Variants in EMC10 observed in about 807,000 individuals in gnomAD.
The protein encoded by EMC10 is ER membrane protein complex subunit 10.
Under a neutral mutation model 32.2 loss-of-function variants are expected in EMC10, and 40 were observed. The observed-to-expected ratio is 1.24, with a 90% confidence interval of 0.96 to 1.61. The LOEUF is 1.61. EMC10 is among the 40% of genes most tolerant of loss of function. The pLI, the probability that EMC10 is intolerant of heterozygous loss-of-function variation, is 0.00. For synonymous variants in EMC10, 178 were observed against 158.4 expected, an observed-to-expected ratio of 1.12 and a Z score of -0.93; for missense variants, 402 against 357.7, an observed-to-expected ratio of 1.12 and a Z score of -1.00.
chr19:50,480,628 G>T lies in EMC10; in HGVS notation c.450G>T (p.Val150=). ...SHLSDQLTLH[V]DVAGNVVGVS... The stretch of plus-strand genomic sequence containing the variant: ...TGTCGGACCAGCTGACCCTGCACGT[G>T]GATGTGGCCGGCAACGTGGTGGGCG... Residue 150 remains valine (V), a synonymous_variant, in exon 5 of 7, where the codon GTG becomes GTT. Transcript: ENST00000334976. The surrounding 1 kb of genome is among the most constrained non-coding windows in gnomAD (Gnocchi z 4.4). 1 of 1,579,552 alleles carries T rather than the reference G, an allele frequency of 6.3e-7. No individual in the cohort carries two copies. The highest frequency in any genetic ancestry group is 1.3e-5 in the African/African-American group (1 of 74,272).
In EMC10 at chr19:50,478,017, T is replaced by G; in HGVS notation, c.187+16T>G. On this transcript the variant is annotated intron_variant, in intron 2 of 6. Coordinates refer to ENST00000334976, the MANE Select transcript of EMC10 (RefSeq NM_206538.4). Reference sequence around the variant, plus strand: ...TTTGAGATCGGTGAGTCAGGCAACGTCCTCTCCTAGACACTTAACATTGGT... The same window carrying G: ...TTTGAGATCGGTGAGTCAGGCAACGGCCTCTCCTAGACACTTAACATTGGT... The G allele has an allele frequency of 6.3e-7, 1 of 1,597,924 alleles. No homozygotes were observed. The highest frequency in any genetic ancestry group is 8.5e-7 in the Non-Finnish European group (1 of 1,173,452).
Position 50,480,085 on chromosome 19 carries a change from C to A in EMC10, c.298-26C>A. 7.6e-6 allele frequency: 12 copies of A among 1,574,910 alleles called. No homozygotes were observed. Among genetic ancestry groups the A allele is most frequent in the Non-Finnish European group, 1.0e-5 (12 of 1,156,244 alleles). On this transcript the variant is annotated intron_variant, in intron 3 of 6. Coordinates refer to ENST00000334976, the MANE Select transcript of EMC10 (RefSeq NM_206538.4). The surrounding 1 kb of genome is among the most constrained non-coding windows in gnomAD (Gnocchi z 4.4). ...TCCAGGGCTGACACCATCCTTCTGA[C>A]CAGCACCCTCTTCTCCCATCCCCAG...
rs771389936 is a variant in EMC10, at chr19:50,476,531, G to A, written c.-14G>A. ...GGCTCACAGCCGTCCCTTCGCTGGT[G>A]GGAAGAAGCCGAGATGGCGGCAGCC... On this transcript the variant is annotated 5_prime_UTR_variant, in exon 1 of 7. Coordinates refer to ENST00000334976, the MANE Select transcript of EMC10 (RefSeq NM_206538.4). 10 of 1,570,814 alleles carry A rather than the reference G, an allele frequency of 6.4e-6. No individual in the cohort carries two copies. In the Admixed American group the frequency reaches 1.6e-4, roughly 25 times the overall value.
chr19:50,479,061 C>T lies in EMC10; in HGVS notation c.292C>T (p.Leu98Phe). The change falls in exon 3 of 7, where the codon CTC becomes TTC. Residue 98 changes from leucine (L) to phenylalanine (F), a missense_variant. Physicochemically the swap from Leu to Phe is conservative, Grantham distance 22. Transcript: ENST00000334976. ...RQLSEEERGR[L>F]RDVAALNGLY... ...GCTCAGCGAGGAGGAGCGGGGCCGA[C>T]TCCGGGTGAGGTGGGGCCCTCAGGG... 1.2e-6 allele frequency: 2 copies of T among 1,602,508 alleles called. No homozygotes were observed. The highest frequency in any genetic ancestry group is 8.5e-7 in the Non-Finnish European group (1 of 1,175,586).
intron 1 of EMC10, 140 bp from the exon 2 acceptor site, chr19:50,477,789 A>G: frequency 1.7e-6 from 1 of 589,664 alleles, no homozygotes. Flanking sequence ...TTCTAGTGAA[A>G]TAAAGGCAAG....
In EMC10 at chr19:50,476,639, C is replaced by T. The variant is rs773077247; in HGVS notation, c.95C>T (p.Ala32Val). Residue 32 changes from alanine to valine, a missense_variant, in exon 1 of 7, where the codon GCC becomes GTC. Physicochemically the swap from Ala to Val is moderately conservative, Grantham distance 64. Transcript: ENST00000334976. Reference protein sequence around the residue: ...PSRARGSGCRAGTGARGAGAE... With the variant: ...PSRARGSGCRVGTGARGAGAE... ...CGAGCCCGGGGCAGCGGCTGCCGGG[C>T]CGGGACTGGTGCGCGAGGGGTGAGT... 4 of 1,543,914 alleles carry T rather than the reference C, an allele frequency of 2.6e-6. No individual in the cohort carries two copies. The South Asian group carries it at 4.7e-5, about 18-fold the overall frequency.
rs780301877 is a variant in EMC10, at chr19:50,480,804, C to T, written c.584+42C>T. On this transcript the variant is annotated intron_variant, in intron 5 of 6. Transcript: ENST00000334976. This position sits in a 1 kb window ranked among gnomAD's most constrained non-coding sequence, Gnocchi z 4.4. ...TTCGCGGCGCTCTTGCCACCTGCCC[C>T]GGCCCTTCCTGGCGGCCTCAGGGTC... 38 of 1,566,910 alleles carry T rather than the reference C, an allele frequency of 2.4e-5. No homozygotes were observed. Among genetic ancestry groups the T allele is most frequent in the South Asian group, 1.9e-4 (16 of 84,110 alleles).
At chr19:50,476,721 T>C (rs528745995) in intron 1 of EMC10, 63 bp downstream of exon 1, 2 of 1,059,764 alleles carry the variant, frequency 1.9e-6, no homozygotes, top group East Asian at 5.9e-5. Flanking sequence ...CTTGGGTCTT[T>C]AGGTGAGTTA....
rs1477221441 is a variant in EMC10 at position 50,482,310 on chromosome 19, C to G, written c.*51C>G. On this transcript the variant is annotated 3_prime_UTR_variant, in exon 7 of 7. Coordinates refer to ENST00000334976, the MANE Select transcript of EMC10 (RefSeq NM_206538.4). Reference sequence around the variant, plus strand: ...CTTGCACACCCAGGGGCCTCCCTTTCTGCTGGAGTCCCCTGTGTCCTCAGC... The same window carrying G: ...CTTGCACACCCAGGGGCCTCCCTTTGTGCTGGAGTCCCCTGTGTCCTCAGC... 1.3e-6 allele frequency: 1 copy of G among 768,176 alleles called. No individual in the cohort carries two copies. Among genetic ancestry groups the G allele is most frequent in the South Asian group, 1.7e-5 (1 of 59,580 alleles). 47.6% of individuals were successfully genotyped at this position (768,176 alleles called of 1,614,324 possible).
chr19:50,480,706 G>A lies in EMC10; in HGVS notation c.528G>A (p.Val176=). The A allele has an allele frequency of 6.2e-7, 1 of 1,605,606 alleles. No homozygotes were observed. The highest frequency in any genetic ancestry group is 8.5e-7 in the Non-Finnish European group (1 of 1,177,156). ...GGCRGHEVED[V]DLELFNTSVQ... is the part of the protein sequence containing the mutation. ...GCCGGGGCCATGAGGTGGAGGACGT[G>A]GACCTGGAGCTGTTCAACACCTCGG... Residue 176 remains valine, a synonymous_variant, in exon 5 of 7, where the codon GTG becomes GTA. Transcript: ENST00000334976. The surrounding 1 kb of genome is among the most constrained non-coding windows in gnomAD (Gnocchi z 4.4).
chr19:50,477,581 A>G (rs2040248120), intron 1 of EMC10, among the ~76,000 whole-genome samples: 1 of 152,176 alleles, frequency 6.6e-6, no homozygotes, highest in African/African-American at 2.4e-5. Flanking sequence ...TCAGGTGATA[A>G]GGAGGCCATT....
rs2040375981 is a variant in EMC10 at position 50,485,144 on chromosome 19, TCTG to T, written c.*2890_*2892del. Reference sequence around the variant, plus strand: ...AGCAGCACTGCAGGAGTCCCCCTGTTCTGCTGCATCATTTTGCACACATATGTG... The same window carrying T: ...AGCAGCACTGCAGGAGTCCCCCTGTTCTGCATCATTTTGCACACATATGTG... On this transcript the variant is annotated 3_prime_UTR_variant, in exon 7 of 7. Transcript: ENST00000334976. The T allele has an allele frequency of 6.6e-6, 1 of 152,314 alleles. No individual in the cohort carries two copies. Among genetic ancestry groups the T allele is most frequent in the Non-Finnish European group, 1.5e-5 (1 of 68,036 alleles). 9.4% of individuals were successfully genotyped at this position (152,314 alleles called of 1,614,324 possible). A position where few individuals can be genotyped will look rare whatever the true frequency, so the allele number is the denominator to read the frequency against.
Position 50,482,282 on chromosome 19 carries a change from C to T in EMC10, c.*23C>T, listed in dbSNP as rs904172642. On this transcript the variant is annotated 3_prime_UTR_variant, in exon 7 of 7. Transcript: ENST00000334976. The stretch of plus-strand genomic sequence containing the variant: ...TGAGGGCCCAGGCTGGTCAGCGTCC[C>T]GTCTTGCACACCCAGGGGCCTCCCT... The T allele has an allele frequency of 2.2e-5, 22 of 979,488 alleles. 1 individual carries two copies. The highest frequency in any genetic ancestry group is 3.0e-5 in the Non-Finnish European group (19 of 641,382). The allele number at this position is 979,488 out of a possible 1,614,324, so 60.7% of individuals were successfully genotyped here.
In EMC10 at chr19:50,483,186, T is replaced by G. The variant is rs1351856824; in HGVS notation, c.*927T>G. On this transcript the variant is annotated 3_prime_UTR_variant, in exon 7 of 7. Coordinates refer to ENST00000334976, the MANE Select transcript of EMC10 (RefSeq NM_206538.4). ...GCTTCCAGCAGCCAAAAGCAACTGTTGTTTTGGCAAGACGGTCCTGATGTA... is the reference window on the plus strand; with the variant it reads ...GCTTCCAGCAGCCAAAAGCAACTGTGGTTTTGGCAAGACGGTCCTGATGTA... 2.0e-5 allele frequency: 9 copies of G among 453,416 alleles called. No homozygotes were observed. Among genetic ancestry groups the G allele is most frequent in the Non-Finnish European group, 3.6e-5 (8 of 224,818 alleles). 28.1% of individuals were successfully genotyped at this position (453,416 alleles called of 1,614,324 possible).
Position 50,480,590 on chromosome 19 carries a change from G to A in EMC10, c.412G>A (p.Val138Met), listed in dbSNP as rs1173997957. ...CCCACTCCCCCCACAGTGCTCCCTG[G>A]TGGAGTCGCACCTGTCGGACCAGCT... ...VSSFVPACSLVESHLSDQLTL... is the reference protein window; with the variant it reads ...VSSFVPACSLMESHLSDQLTL... The change falls in exon 5 of 7, where the codon GTG (valine) becomes ATG (methionine). Residue 138 changes from valine to methionine, a missense_variant. By Grantham distance (21) the Val-to-Met change is conservative (BLOSUM62 1). Transcript: ENST00000334976. This position sits in a 1 kb window ranked among gnomAD's most constrained non-coding sequence, Gnocchi z 4.4. 1.3e-6 allele frequency: 2 copies of A among 1,556,132 alleles called. No homozygotes were observed. The highest frequency in any genetic ancestry group is 1.7e-6 in the Non-Finnish European group (2 of 1,149,958).
chr19:50,482,327 G>C lies in EMC10; in HGVS notation c.*68G>C. The C allele has an allele frequency of 1.4e-6, 1 of 699,884 alleles. No homozygotes were observed. The highest frequency in any genetic ancestry group is 2.5e-6 in the Non-Finnish European group (1 of 405,020). 43.4% of individuals were successfully genotyped at this position (699,884 alleles called of 1,614,324 possible). On this transcript the variant is annotated 3_prime_UTR_variant, in exon 7 of 7. Coordinates refer to ENST00000334976, the MANE Select transcript of EMC10 (RefSeq NM_206538.4). ...CTCCCTTTCTGCTGGAGTCCCCTGT[G>C]TCCTCAGCCATCCCAAGAAGGGTTT...
At position 50,482,380 on chromosome 19, in the gene EMC10, C is replaced by T. The variant is rs375991324; in HGVS notation, c.*121C>T. On this transcript the variant is annotated 3_prime_UTR_variant, in exon 7 of 7. Transcript: ENST00000334976. ...TGGTCCCTCCTTTCCCCCCGTCCCA[C>T]GAGGCCACCTGGGCCAGCCCCTTGT... 30 of 612,628 alleles carry T rather than the reference C, an allele frequency of 4.9e-5. No homozygotes were observed. Among genetic ancestry groups the T allele is most frequent in the South Asian group, 7.7e-5 (4 of 51,910 alleles). The allele number at this position is 612,628 out of a possible 1,614,324, so 37.9% of individuals were successfully genotyped here. A position where few individuals can be genotyped will look rare whatever the true frequency, so the allele number is the denominator to read the frequency against.
Position 50,480,784 on chromosome 19 carries a change from G to C in EMC10, c.584+22G>C, listed in dbSNP as rs759210461. 6.4e-7 allele frequency: 1 copy of C among 1,571,690 alleles called. No homozygotes were observed. The highest frequency in any genetic ancestry group is 1.7e-4 in the Middle Eastern group (1 of 5,850). On this transcript the variant is annotated intron_variant, in intron 5 of 6. Coordinates refer to ENST00000334976, the MANE Select transcript of EMC10 (RefSeq NM_206538.4). This position sits in a 1 kb window ranked among gnomAD's most constrained non-coding sequence, Gnocchi z 4.4. ...CAGGGTGAGCCTCTGCTGCCTTCGCGGCGCTCTTGCCACCTGCCCCGGCCC... is the reference window on the plus strand; with the variant it reads ...CAGGGTGAGCCTCTGCTGCCTTCGCCGCGCTCTTGCCACCTGCCCCGGCCC...
rs532514697 is a variant in EMC10 at position 50,481,695 on chromosome 19, G to T, written c.679-454G>T. The T allele has an allele frequency of 1.5e-4, 91 of 615,350 alleles. No homozygotes were observed. In the South Asian group the frequency reaches 1.7e-3, roughly 12 times the overall value. The allele number at this position is 615,350 out of a possible 1,614,324, so 38.1% of individuals were successfully genotyped here. ...CCTGCCTGAGGGCCTCACCCGCTCCGCCTGGATAGTCCAACAGTTGTGCTG... is the reference window on the plus strand; with the variant it reads ...CCTGCCTGAGGGCCTCACCCGCTCCTCCTGGATAGTCCAACAGTTGTGCTG... On this transcript the variant is annotated intron_variant, in intron 6 of 6. Coordinates refer to ENST00000334976, the MANE Select transcript of EMC10 (RefSeq NM_206538.4).
Sources: gnomAD v4.1 joint callset for allele counts (sites outside exome capture counted in the v4.1 genomes callset) on GRCh38, gnomAD v4.1.1 for gene constraint, Gnocchi (gnomAD v3.1) non-coding constraint, MANE v1.5 for transcripts, NCBI Gene and HGNC (gene_info 2026-07-23, HGNC 2026-07-21) for gene names.